Variants in TGOLN2 observed in about 807,000 individuals in gnomAD.
The protein encoded by TGOLN2 is trans-Golgi network integral membrane protein 2.
In TGOLN2, 19 loss-of-function variants were observed where a neutral mutation model predicts 31.3. The ratio of observed to expected loss-of-function variants is 0.61; its 90% CI spans 0.42 to 0.89. TGOLN2 has a LOEUF of 0.89. TGOLN2 is among the 40% of genes least tolerant of loss of function. The pLI is 0.00. For missense variants in TGOLN2, 540 were observed against 559.2 expected, an observed-to-expected ratio of 0.97 and a Z score of 0.35; for synonymous variants, 222 against 226.7, an observed-to-expected ratio of 0.98 and a Z score of 0.19.
chr2:85,319,516 G>A lies in TGOLN2; in HGVS notation c.*3220C>T, dbSNP rs1682478656. Reference sequence around the variant, plus strand: ...TCTAAAGAGAAACTTAAATCCTGTTGTATTCTTTCAACACAAGCAATGATA... The same window carrying A: ...TCTAAAGAGAAACTTAAATCCTGTTATATTCTTTCAACACAAGCAATGATA... On this transcript the variant is annotated 3_prime_UTR_variant, in exon 4 of 4. Coordinates refer to ENST00000377386, the MANE Select transcript of TGOLN2 (RefSeq NM_006464.4). 1 of 152,052 alleles carries A rather than the reference G, an allele frequency of 6.6e-6. No homozygotes were observed. Among genetic ancestry groups the A allele is most frequent in the African/African-American group, 2.4e-5 (1 of 41,402 alleles). 9.4% of individuals were successfully genotyped at this position (152,052 alleles called of 1,614,324 possible).
chr2:85,321,006 A>G lies in TGOLN2; in HGVS notation c.*1730T>C, dbSNP rs189330751. The stretch of plus-strand genomic sequence containing the variant: ...AAGCAACATACTGGAGAAGTTGAGC[A>G]GCGGGATGAATAACAAATAGGACAG... On this transcript the variant is annotated 3_prime_UTR_variant, in exon 4 of 4. Coordinates refer to ENST00000377386, the MANE Select transcript of TGOLN2 (RefSeq NM_006464.4). The G allele has an allele frequency of 2.6e-5, 4 of 152,384 alleles. No homozygotes were observed. Among genetic ancestry groups the G allele is most frequent in the Admixed American group, 2.6e-4 (4 of 15,300 alleles). The allele number at this position is 152,384 out of a possible 1,614,324, so 9.4% of individuals were successfully genotyped here.
chr2:85,320,796 G>C lies in TGOLN2; in HGVS notation c.*1940C>G, dbSNP rs1398818599. 3.3e-5 allele frequency: 5 copies of C among 152,240 alleles called. No homozygotes were observed. Among genetic ancestry groups the C allele is most frequent in the African/African-American group, 9.6e-5 (4 of 41,458 alleles). The allele number at this position is 152,240 out of a possible 1,614,324, so 9.4% of individuals were successfully genotyped here. On this transcript the variant is annotated 3_prime_UTR_variant, in exon 4 of 4. Coordinates refer to ENST00000377386, the MANE Select transcript of TGOLN2 (RefSeq NM_006464.4). ...AAGGACCATTTGTCAGAGACACCAA[G>C]AAAGGGGAATTTCCATTTGGATGGT...
chr2:85,326,611 C>G lies in TGOLN2; in HGVS notation c.1121G>C (p.Gly374Ala). 6.2e-7 allele frequency: 1 copy of G among 1,614,018 alleles called. No homozygotes were observed. The highest frequency in any genetic ancestry group is 8.5e-7 in the Non-Finnish European group (1 of 1,179,892). The change falls in exon 2 of 4, where the codon GGT becomes GCT. Residue 374 changes from glycine (G) to alanine (A), a missense_variant. Transcript: ENST00000377386. ...GCTCTCCGCGCTGCCATTTCCAGAA[C>G]CGTTCGGATAAAGGTCATCCTTCTC... ...GSEKDDLYPN[G>A]SGNGSAESSH...
Position 85,326,973 on chromosome 2 carries a change from A to AACC in TGOLN2, c.756_758dup (p.Val253dup). ...GGTCTTTCCGGGAAGGCTGCTCTGG[A>AACC]ACCACCTTGTTAGGGCTGTCTTTTG... On this transcript the variant is annotated inframe_insertion, in exon 2 of 4. Transcript: ENST00000377386. The AACC allele has an allele frequency of 6.2e-7, 1 of 1,613,952 alleles. No individual in the cohort carries two copies. Among genetic ancestry groups the AACC allele is most frequent in the Non-Finnish European group, 8.5e-7 (1 of 1,179,840 alleles).
Position 85,319,175 on chromosome 2 carries a change from TTTC to T in TGOLN2, c.*3558_*3560del, listed in dbSNP as rs1682466046. On this transcript the variant is annotated 3_prime_UTR_variant, in exon 4 of 4. Transcript: ENST00000377386. The stretch of plus-strand genomic sequence containing the variant: ...GCGGTATTTTCTTCAATGCTATTTC[TTTC>T]TTTTTTTTTTTTTTTTTTGAGACGG... 6.6e-6 allele frequency: 1 copy of T among 151,292 alleles called. No homozygotes were observed. Among genetic ancestry groups the T allele is most frequent in the African/African-American group, 2.4e-5 (1 of 40,980 alleles). 9.4% of individuals were successfully genotyped at this position (151,292 alleles called of 1,614,324 possible).
Position 85,324,984 on chromosome 2 carries a change from G to T in TGOLN2, c.1239C>A (p.Val413=), listed in dbSNP as rs1178385481. ...TGACTTTAGATCTTTTTCCTTCCAG[G>T]ACAAAAGCAATGATCTGAGGAAAGG... The part of the protein sequence containing the change: ...HHNKRKIIAF[V]LEGKRSKVTR... The change falls in exon 3 of 4, where the codon GTC becomes GTA. Residue 413 remains valine, a synonymous_variant. Transcript: ENST00000377386. 1.0e-5 allele frequency: 16 copies of T among 1,552,336 alleles called. No individual in the cohort carries two copies. Among genetic ancestry groups the T allele is most frequent in the Admixed American group, 3.9e-5 (2 of 51,026 alleles).
At position 85,326,998 on chromosome 2, in the gene TGOLN2, G is replaced by A. The variant is rs370288837; in HGVS notation, c.734C>T (p.Ser245Leu). 1 of 1,613,790 alleles carries A rather than the reference G, an allele frequency of 6.2e-7. No homozygotes were observed. The highest frequency in any genetic ancestry group is 1.3e-5 in the African/African-American group (1 of 74,882). Residue 245 changes from serine (S) to leucine (L), a missense_variant, in exon 2 of 4, where the codon TCA becomes TTA. Physicochemically the swap from Ser to Leu is moderately radical, Grantham distance 145. Transcript: ENST00000377386. Reference protein sequence around the residue: ...PSKSGAEEQTSKDSPNKVVPE... With the variant: ...PSKSGAEEQTLKDSPNKVVPE... Reference sequence around the variant, plus strand: ...AACCACCTTGTTAGGGCTGTCTTTTGAGGTCTGCTCCTCCGCACCCGACTT... The same window carrying A: ...AACCACCTTGTTAGGGCTGTCTTTTAAGGTCTGCTCCTCCGCACCCGACTT...
rs559105707 is a variant in TGOLN2 at position 85,320,827 on chromosome 2, G to A, written c.*1909C>T. The A allele has an allele frequency of 5.9e-5, 9 of 152,294 alleles. No homozygotes were observed. The highest frequency in any genetic ancestry group is 2.2e-4 in the African/African-American group (9 of 41,560). The allele number at this position is 152,294 out of a possible 1,614,324, so 9.4% of individuals were successfully genotyped here. Reference sequence around the variant, plus strand: ...GGAATTTCCATTTGGATGGTCAATAGTGTCCAGTTCTGCCAAGGACAAGAC... The same window carrying A: ...GGAATTTCCATTTGGATGGTCAATAATGTCCAGTTCTGCCAAGGACAAGAC... On this transcript the variant is annotated 3_prime_UTR_variant, in exon 4 of 4. Coordinates refer to ENST00000377386, the MANE Select transcript of TGOLN2 (RefSeq NM_006464.4).
At position 85,327,825 on chromosome 2, in the gene TGOLN2, C is replaced by T. The variant is rs1469354661; in HGVS notation, c.46+92G>A. 5.4e-6 allele frequency: 8 copies of T among 1,471,372 alleles called. No homozygotes were observed. In the East Asian group the frequency reaches 1.0e-4, roughly 19 times the overall value. The allele number at this position is 1,471,372 out of a possible 1,614,324, so 91.1% of individuals were successfully genotyped here. On this transcript the variant is annotated intron_variant, in intron 1 of 3. Transcript: ENST00000377386. ...GACGATGGCGAGCGGAGAGGTGGGT[C>T]GGGTAGGGAAGAAGCGAGCCTAGAG...
In TGOLN2 at chr2:85,327,163, T is replaced by A; in HGVS notation, c.569A>T (p.Lys190Ile). The A allele has an allele frequency of 6.2e-7, 1 of 1,613,660 alleles. No homozygotes were observed. Among genetic ancestry groups the A allele is most frequent in the Non-Finnish European group, 8.5e-7 (1 of 1,179,824 alleles). Residue 190 changes from lysine to isoleucine, a missense_variant, in exon 2 of 4, where the codon AAA (lysine) becomes ATA (isoleucine). Lys to Ile is a moderately radical substitution (Grantham distance 102). Transcript: ENST00000377386. Reference sequence around the variant, plus strand: ...CGCACCCGACTTGCTGGAGCCGTCTTTTGGGGTCTGGCCGTCCGCACCCGA... The same window carrying A: ...CGCACCCGACTTGCTGGAGCCGTCTATTGGGGTCTGGCCGTCCGCACCCGA... The part of the protein sequence containing the change: ...NKSGADGQTP[K>I]DGSSKSGAED...
chr2:85,327,939 G>A lies in TGOLN2; in HGVS notation c.24C>T (p.Val8=), dbSNP rs1224657823. 6.2e-7 allele frequency: 1 copy of A among 1,603,078 alleles called. No individual in the cohort carries two copies. Among genetic ancestry groups the A allele is most frequent in the South Asian group, 1.1e-5 (1 of 88,910 alleles). The change falls in exon 1 of 4, where the codon GTC becomes GTT. Residue 8 remains valine, a synonymous_variant. Coordinates refer to ENST00000377386, the MANE Select transcript of TGOLN2 (RefSeq NM_006464.4). The part of the protein sequence containing the change: MRFVVAL[V]LLNVAAAGAV... ...TACCCGCCGCTGCGACGTTCAGGAGGACCAAGGCAACCACGAACCGCATCC... is the reference window on the plus strand; with the variant it reads ...TACCCGCCGCTGCGACGTTCAGGAGAACCAAGGCAACCACGAACCGCATCC...
Position 85,319,795 on chromosome 2 carries a change from G to C in TGOLN2, c.*2941C>G, listed in dbSNP as rs1450832076. ...AGGAACTGAACTCTGGAAGTCCTAA[G>C]GAAGGTCACCATGATCAGCAGATAG... On this transcript the variant is annotated 3_prime_UTR_variant, in exon 4 of 4. Coordinates refer to ENST00000377386, the MANE Select transcript of TGOLN2 (RefSeq NM_006464.4). The C allele has an allele frequency of 6.6e-6, 1 of 152,214 alleles. No homozygotes were observed. Among genetic ancestry groups the C allele is most frequent in the South Asian group, 2.1e-4 (1 of 4,824 alleles). 9.4% of individuals were successfully genotyped at this position (152,214 alleles called of 1,614,324 possible). A position where few individuals can be genotyped will look rare whatever the true frequency, so the allele number is the denominator to read the frequency against.
chr2:85,327,181 G>A lies in TGOLN2; in HGVS notation c.551C>T (p.Ala184Val), dbSNP rs1682774057. ...TTKDVPNKSG[A>V]DGQTPKDGSS... is the part of the protein sequence containing the mutation. ...GCCGTCTTTTGGGGTCTGGCCGTCC[G>A]CACCCGACTTATTAGGGACATCTTT... Residue 184 changes from alanine (A) to valine (V), a missense_variant, in exon 2 of 4, where the codon GCG becomes GTG. By Grantham distance (64) the Ala-to-Val change is moderately conservative (BLOSUM62 0). Transcript: ENST00000377386. 3.1e-6 allele frequency: 5 copies of A among 1,613,322 alleles called. No homozygotes were observed. The Admixed American group carries it at 5.0e-5, about 16-fold the overall frequency.
Position 85,327,674 on chromosome 2 carries a change from G to C in TGOLN2, c.58C>G (p.Leu20Val). ...LNVAAAGAVP[L>V]LATESVKQEE... ...TGCTTGACGCTTTCGGTGGCCAAGA[G>C]CGGCACGGCTCCTGAAATAGAAAAA... Residue 20 changes from leucine to valine, a missense_variant, in exon 2 of 4, where the codon CTC becomes GTC. Physicochemically the swap from Leu to Val is conservative, Grantham distance 32. Transcript: ENST00000377386. 1 of 1,611,804 alleles carries C rather than the reference G, an allele frequency of 6.2e-7. No homozygotes were observed. The highest frequency in any genetic ancestry group is 8.5e-7 in the Non-Finnish European group (1 of 1,178,528).
Position 85,322,878 on chromosome 2 carries a change from A to G in TGOLN2, c.1309-137T>C, listed in dbSNP as rs1390671812. 7.0e-6 allele frequency: 10 copies of G among 1,423,034 alleles called. No individual in the cohort carries two copies. The East Asian group carries it at 2.5e-4, about 35-fold the overall frequency. 88.2% of individuals were successfully genotyped at this position (1,423,034 alleles called of 1,614,324 possible). On this transcript the variant is annotated intron_variant, in intron 3 of 3. Coordinates refer to ENST00000377386, the MANE Select transcript of TGOLN2 (RefSeq NM_006464.4). ...TTTAAAGTTTGAAATGAAACCTAAC[A>G]CTAGAAAGATATACACTTGATGGAG...
rs542609829 is a variant in TGOLN2 at position 85,321,291 on chromosome 2, A to G, written c.*1445T>C. ...AGGAGTTCATTCCTTACCTTCATAA[A>G]GTAGGCTATCCGCCAAGAATGAAAA... On this transcript the variant is annotated 3_prime_UTR_variant, in exon 4 of 4. Transcript: ENST00000377386. 6.5e-6 allele frequency: 1 copy of G among 152,816 alleles called. No homozygotes were observed. The highest frequency in any genetic ancestry group is 2.1e-4 in the South Asian group (1 of 4,828). 9.5% of individuals were successfully genotyped at this position (152,816 alleles called of 1,614,324 possible).
At chr2:85,326,207 G>A (rs994325077) in intron 2 of TGOLN2, among the ~76,000 whole-genome samples, 3 of 152,240 alleles carry the variant, frequency 2.0e-5, no homozygotes, top group African/African-American at 7.2e-5. Context: ...GTCCTCTGAG[G>A]CTGTGAAGGA....
Position 85,322,354 on chromosome 2 carries a change from G to T in TGOLN2, c.*382C>A. 6.1e-6 allele frequency: 2 copies of T among 326,108 alleles called. No homozygotes were observed. Among genetic ancestry groups the T allele is most frequent in the South Asian group, 6.2e-5 (2 of 32,030 alleles). The allele number at this position is 326,108 out of a possible 1,614,324, so 20.2% of individuals were successfully genotyped here. On this transcript the variant is annotated 3_prime_UTR_variant, in exon 4 of 4. Transcript: ENST00000377386. ...TTTCCTACAGAGCCCGGGCCCCAGG[G>T]AGGGTGGTCAGCAGCGCAGCCTGCC...
At position 85,326,612 on chromosome 2, in the gene TGOLN2, C is replaced by G. The variant is rs374160921; in HGVS notation, c.1120G>C (p.Gly374Arg). 7 of 1,613,892 alleles carry G rather than the reference C, an allele frequency of 4.3e-6. No homozygotes were observed. The highest frequency in any genetic ancestry group is 1.3e-5 in the African/African-American group (1 of 74,930). Residue 374 changes from glycine (G) to arginine (R), a missense_variant, in exon 2 of 4, where the codon GGT becomes CGT. By Grantham distance (125) the Gly-to-Arg change is moderately radical. Coordinates refer to ENST00000377386, the MANE Select transcript of TGOLN2 (RefSeq NM_006464.4). ...GSEKDDLYPN[G>R]SGNGSAESSH... ...CTCTCCGCGCTGCCATTTCCAGAAC[C>G]GTTCGGATAAAGGTCATCCTTCTCG...
Sources: allele counts gnomAD v4.1 joint callset (sites outside exome capture counted in the v4.1 genomes callset), GRCh38; gene constraint gnomAD v4.1.1; transcripts MANE v1.5; gene names NCBI Gene and HGNC (gene_info 2026-07-23, HGNC 2026-07-21).